HEMK2: variants seen among roughly 807,000 people sequenced by gnomAD.
HEMK2 encodes the protein HemK methyltransferase 2, ETF1 glutamine and histone H4 lysine, also known as methyltransferase HEMK2.
the HEMK2 span, among the ~76,000 whole-genome samples, chr21:28,706,385 T>C: frequency 6.6e-6 from 1 of 152,226 alleles, no homozygotes; most frequent in Non-Finnish European, 1.5e-5. Flanking sequence ...TTTATGGTCC[T>C]TATCGGGCCT....
the HEMK2 span, among the ~76,000 whole-genome samples, chr21:28,796,133 T>G: frequency 6.6e-6 from 1 of 152,146 alleles, no homozygotes; most frequent in Non-Finnish European, 1.5e-5. Flanking sequence ...ATAAATGTAT[T>G]TTATTTTATT....
chr21:28,863,726 TTC>T, the HEMK2 span, among the ~76,000 whole-genome samples: 1 of 152,076 alleles, frequency 6.6e-6, no homozygotes, highest in Non-Finnish European at 1.5e-5. Flanking sequence ...TGTCTGTCAT[TTC>T]TCTGTTTTTC....
chr21:28,586,450 A>T, the HEMK2 span, among the ~76,000 whole-genome samples: 3 of 152,166 alleles, frequency 2.0e-5, no homozygotes, highest in Admixed American at 6.5e-5. Flanking sequence ...TCTTCCAAAG[A>T]TAGTATAAGA....
chr21:28,626,718 A>G, the HEMK2 span: 6 of 152,146 alleles, frequency 3.9e-5, no homozygotes, highest in Non-Finnish European at 5.9e-5. Context: ...AATTTTTTTA[A>G]AAGGGCAAAA....
the HEMK2 span, among the ~76,000 whole-genome samples, chr21:28,576,707 G>GTTTGT: frequency 1.9e-4 from 29 of 151,996 alleles, no homozygotes; most frequent in African/African-American, 6.8e-4. Flanking sequence ...ACCTTTCTGG[G>GTTTGT]TTTGTTTTGT....
At chr21:28,701,385 C>T in the HEMK2 span, among the ~76,000 whole-genome samples, 1 of 151,984 alleles carries the variant, frequency 6.6e-6, no homozygotes, top group Non-Finnish European at 1.5e-5. Context: ...TTCTATATAC[C>T]TAGAAAACTC....
At chr21:28,745,960 C>T in the HEMK2 span, among the ~76,000 whole-genome samples, 107 of 152,282 alleles carry the variant, frequency 7.0e-4, 4 homozygotes, top group South Asian at 0.022. Context: ...GACAGAGAAA[C>T]CTGGCTGAAT....
At chr21:28,597,134 T>C in the HEMK2 span, among the ~76,000 whole-genome samples, 2,708 of 152,184 alleles carry the variant, frequency 0.018, 107 homozygotes, top group African/African-American at 0.063. Flanking sequence ...TAAGATATGA[T>C]AGGCAAAAGG....
chr21:28,596,853 T>C, the HEMK2 span, among the ~76,000 whole-genome samples: 1 of 152,110 alleles, frequency 6.6e-6, no homozygotes, highest in African/African-American at 2.4e-5. Context: ...ATACCGAAAA[T>C]GGGAAAATAC....
chr21:28,733,872 AC>A, the HEMK2 span, among the ~76,000 whole-genome samples: 3 of 150,366 alleles, frequency 2.0e-5, no homozygotes, highest in Non-Finnish European at 4.4e-5. Flanking sequence ...GCCTCTCCCC[AC>A]CCCCTTCCCA....
At chr21:28,874,858 A>G in the HEMK2 span, 4 of 152,364 alleles carry the variant, frequency 2.6e-5, no homozygotes, top group South Asian at 8.3e-4. Context: ...ATAATTGAAT[A>G]TCTGGCTATT....
At chr21:28,630,370 G>T in the HEMK2 span, among the ~76,000 whole-genome samples, 1 of 152,082 alleles carries the variant, frequency 6.6e-6, no homozygotes, top group Non-Finnish European at 1.5e-5. Flanking sequence ...AGTCAGTGTG[G>T]CATTTCCTCA....
chr21:28,615,642 C>A, the HEMK2 span, among the ~76,000 whole-genome samples: 1 of 151,928 alleles, frequency 6.6e-6, no homozygotes, highest in Non-Finnish European at 1.5e-5. Context: ...ATTTCAAAAC[C>A]AGGAGGAGGG....
At chr21:28,619,343 T>G in the HEMK2 span, among the ~76,000 whole-genome samples, 4 of 152,338 alleles carry the variant, frequency 2.6e-5, no homozygotes, top group East Asian at 3.9e-4. Context: ...AGAAGTTATT[T>G]TCTGGCAATA....
At chr21:28,812,666 A>G in the HEMK2 span, among the ~76,000 whole-genome samples, 27 of 152,284 alleles carry the variant, frequency 1.8e-4, no homozygotes, top group Non-Finnish European at 2.8e-4. Context: ...TGAGTTAGGG[A>G]GGAGTCCCTC....
At chr21:28,814,623 T>A in the HEMK2 span, among the ~76,000 whole-genome samples, 1 of 150,622 alleles carries the variant, frequency 6.6e-6, no homozygotes, top group Admixed American at 6.6e-5. Context: ...AAAAAACACA[T>A]GAAAAAATGC....
At chr21:28,635,413 C>T in the HEMK2 span, among the ~76,000 whole-genome samples, 1 of 152,178 alleles carries the variant, frequency 6.6e-6, no homozygotes, top group Non-Finnish European at 1.5e-5. Flanking sequence ...ATCAAGTCTT[C>T]CTCATGAGAT....
chr21:28,871,477 A>C, the HEMK2 span, among the ~76,000 whole-genome samples: 26,159 of 152,052 alleles, frequency 0.17, 2,346 homozygotes, highest in South Asian at 0.23. Flanking sequence ...CTCACCATGC[A>C]CCTCCTCCAA....
chr21:28,714,331 T>G, the HEMK2 span, among the ~76,000 whole-genome samples: 1 of 152,242 alleles, frequency 6.6e-6, no homozygotes. Flanking sequence ...TCTCCTTAAT[T>G]TTTGCAAAGA....
Sources: gnomAD v4.1 joint callset for allele counts (sites outside exome capture counted in the v4.1 genomes callset) on GRCh38, gnomAD v4.1.1 for gene constraint, MANE v1.5 for transcripts, NCBI Gene and HGNC (gene_info 2026-07-23, HGNC 2026-07-21) for gene names.